The following ATF7 variants were observed in gnomAD, a reference collection of about 807,000 sequenced individuals.
ATF7 encodes activating transcription factor 7.
In ATF7, 10 loss-of-function variants were observed where a neutral mutation model predicts 50.4. The observed-to-expected ratio is 0.20, with a 90% CI of 0.12 to 0.34. The LOEUF is 0.34. ATF7 is among the 10% of genes least tolerant of loss of function. The pLI is 1.00. For missense variants in ATF7, 465 were observed against 613.9 expected (o/e 0.76, Z 2.56); for synonymous variants, 201 against 226.4 (o/e 0.89, Z 1.01).
chr12:53,608,002 G>A (rs970292836), intron 1 of ATF7, among the ~76,000 whole-genome samples: 35 of 151,968 alleles, frequency 2.3e-4, no homozygotes, highest in Non-Finnish European at 4.9e-4. Context: ...GGCAGATCAC[G>A]AGGTCAAGAG....
intron 2 of ATF7, among the ~76,000 whole-genome samples, chr12:53,593,497 T>C (rs1319565745): frequency 6.6e-6 from 1 of 152,226 alleles, no homozygotes; most frequent in East Asian, 1.9e-4. Context: ...TGAAATTATT[T>C]TTCTCTTCAG....
chr12:53,542,974 A>C, intron 4 of ATF7: 1 of 1,160,130 alleles, frequency 8.6e-7, no homozygotes, highest in Non-Finnish European at 1.1e-6. Flanking sequence ...AAAGAGTGGA[A>C]TTTGGCAACA....
At chr12:53,537,640 A>G in intron 4 of ATF7, 88 bp from the exon 5 acceptor site, 1 of 1,477,174 alleles carries the variant, frequency 6.8e-7, no homozygotes, top group Admixed American at 2.1e-5. Flanking sequence ...ATAAGGGAAT[A>G]TGCTTCTAAG....
At chr12:53,561,897 G>A (rs918643466) in intron 2 of ATF7, among the ~76,000 whole-genome samples, 1 of 152,146 alleles carries the variant, frequency 6.6e-6, no homozygotes, top group African/African-American at 2.4e-5. Context: ...ATTTATAGAG[G>A]AAAAACAAGA....
rs750472425 is a variant in ATF7 at position 53,532,518 on chromosome 12, C to T, written c.766G>A (p.Ala256Thr). Residue 256 changes from alanine (A) to threonine (T), a missense_variant, in exon 8 of 12, where the codon GCC becomes ACC. Coordinates refer to ENST00000420353, the MANE Select transcript of ATF7 (RefSeq NM_006856.3). Reference sequence around the variant, plus strand: ...GACTGGGATGTACTCACCATCTTGGCTTCTGATGGTATAGGGTGGCCAGAG... The same window carrying T: ...GACTGGGATGTACTCACCATCTTGGTTTCTGATGGTATAGGGTGGCCAGAG... The part of the protein sequence containing the change: ...SPSGHPIPSE[A>T]KMRLKATLTH... 4 of 1,594,752 alleles carry T rather than the reference C, an allele frequency of 2.5e-6. No homozygotes were observed. The South Asian group carries it at 4.5e-5, about 18-fold the overall frequency.
chr12:53,599,441 T>C (rs1162437591), intron 2 of ATF7, among the ~76,000 whole-genome samples: 1 of 149,272 alleles, frequency 6.7e-6, no homozygotes, highest in Non-Finnish European at 1.5e-5. Flanking sequence ...TTTATATACA[T>C]CCATATATAA....
At chr12:53,616,172 G>A (rs1270128933) in intron 1 of ATF7, among the ~76,000 whole-genome samples, 1 of 152,094 alleles carries the variant, frequency 6.6e-6, no homozygotes, top group African/African-American at 2.4e-5. Flanking sequence ...AGATGTCCAT[G>A]CCACAAGCTC....
chr12:53,611,239 G>A (rs929074147), intron 1 of ATF7, among the ~76,000 whole-genome samples: 1 of 152,168 alleles, frequency 6.6e-6, no homozygotes, highest in Non-Finnish European at 1.5e-5. Flanking sequence ...GGGAGGCCAA[G>A]GTGGGCAGAT....
chr12:53,587,654 CTGAG>C (rs1432178192), intron 2 of ATF7, among the ~76,000 whole-genome samples: 1 of 146,816 alleles, frequency 6.8e-6, no homozygotes, highest in Admixed American at 6.8e-5. Context: ...GCACTCCAGC[CTGAG>C]TGATAGAGCG....
intron 2 of ATF7, among the ~76,000 whole-genome samples, chr12:53,592,633 G>A (rs940159961): frequency 2.6e-5 from 4 of 151,970 alleles, no homozygotes; most frequent in Admixed American, 1.3e-4. Flanking sequence ...CCCAATTTCT[G>A]TTTAAAACAT....
At chr12:53,594,194 G>A (rs1193661602) in intron 2 of ATF7, among the ~76,000 whole-genome samples, 4 of 152,210 alleles carry the variant, frequency 2.6e-5, no homozygotes, top group Non-Finnish European at 5.9e-5. Flanking sequence ...GCAAAAGAAG[G>A]GAGTAGGAAA....
At chr12:53,596,280 A>T (rs1246825195) in intron 2 of ATF7, among the ~76,000 whole-genome samples, 1 of 152,202 alleles carries the variant, frequency 6.6e-6, no homozygotes, top group Non-Finnish European at 1.5e-5. Context: ...AGCCTGGGCG[A>T]TAAGAGCGAA....
At chr12:53,510,508 C>G (rs1332615867), downstream of ATF7, among the ~76,000 whole-genome samples, 2 of 152,200 alleles carry the variant, frequency 1.3e-5, no homozygotes, top group Non-Finnish European at 1.5e-5. Flanking sequence ...CTGGGCCAGA[C>G]AGAACTCAGT....
At chr12:53,607,596 A>G (rs1465699343) in intron 1 of ATF7, among the ~76,000 whole-genome samples, 2 of 152,228 alleles carry the variant, frequency 1.3e-5, no homozygotes, top group African/African-American at 2.4e-5. Flanking sequence ...TTTAAGTTAT[A>G]AAAGAATAAC....
intron 11 of ATF7, among the ~76,000 whole-genome samples, chr12:53,520,680 T>A (rs1359336319): frequency 6.6e-6 from 1 of 152,102 alleles, no homozygotes; most frequent in Non-Finnish European, 1.5e-5. Context: ...TTAAACTCAG[T>A]TTGTCCAAAA....
At chr12:53,609,964 G>A (rs146358307) in intron 1 of ATF7, among the ~76,000 whole-genome samples, 25,764 of 151,112 alleles carry the variant, frequency 0.17, 2,922 homozygotes, top group South Asian at 0.31. Context: ...CTATAGGCAC[G>A]CACCACCACG....
chr12:53,611,747 T>C (rs997710406), intron 1 of ATF7, among the ~76,000 whole-genome samples: 1 of 151,976 alleles, frequency 6.6e-6, no homozygotes, highest in African/African-American at 2.4e-5. Context: ...TGTGCCACCA[T>C]GACCAGCTAA....
intron 4 of ATF7, among the ~76,000 whole-genome samples, chr12:53,539,969 C>G (rs183995784): frequency 1.3e-5 from 2 of 151,878 alleles, no homozygotes; most frequent in East Asian, 3.9e-4. Context: ...ACTCCAGGGA[C>G]TGAGGCGGGA....
At chr12:53,568,047 G>T (rs1436656545) in intron 2 of ATF7, among the ~76,000 whole-genome samples, 1 of 152,334 alleles carries the variant, frequency 6.6e-6, no homozygotes, top group South Asian at 2.1e-4. Context: ...CAAAGTTACA[G>T]AGTGAAAAGT....
Sources: gnomAD v4.1 joint callset for allele counts (sites outside exome capture counted in the v4.1 genomes callset) on GRCh38, gnomAD v4.1.1 for gene constraint, MANE v1.5 for transcripts, NCBI Gene and HGNC (gene_info 2026-07-23, HGNC 2026-07-21) for gene names.